The following ADGRL2 variants were observed in gnomAD, a reference collection of about 807,000 sequenced individuals.
The protein encoded by ADGRL2 is adhesion G protein-coupled receptor L2.
A neutral mutation model predicts 157.4 loss-of-function variants in ADGRL2; 44 were observed. The ratio of observed to expected loss-of-function variants is 0.28; its 90% CI spans 0.22 to 0.36. The LOEUF (loss-of-function observed/expected upper bound fraction) is 0.36, where lower values mean the gene tolerates loss of function less well. Among genes scored for constraint, ADGRL2 ranks in the 10% least tolerant of loss-of-function variants. ADGRL2 has a pLI of 1.00. For synonymous variants in ADGRL2, 585 were observed against 624.7 expected, an observed-to-expected ratio of 0.94 and a Z score of 0.95; for missense variants, 1,510 against 1,768.9, an observed-to-expected ratio of 0.85 and a Z score of 2.63.
intron 3 of ADGRL2, among the ~76,000 whole-genome samples, chr1:81,674,969 T>A: frequency 6.6e-6 from 1 of 152,212 alleles, no homozygotes; most frequent in East Asian, 1.9e-4. Context: ...CTGGAGGCCA[T>A]ATCATTTTCT....
At chr1:81,824,973 C>CTCTCTCTG (rs1553162244) in intron 1 of ADGRL2, among the ~76,000 whole-genome samples, 1 of 118,052 alleles carries the variant, frequency 8.5e-6, no homozygotes, top group East Asian at 2.0e-4. Context: ...CTCTCTCTCT[C>CTCTCTCTG]TCTCTCTCTG....
chr1:81,389,542 C>T (rs12088890), intron 1 of ADGRL2, among the ~76,000 whole-genome samples: 4,731 of 152,164 alleles, frequency 0.031, 249 homozygotes, highest in African/African-American at 0.11. Flanking sequence ...AATTAAATGA[C>T]AGGTGGCAAA....
intron 3 of ADGRL2, among the ~76,000 whole-genome samples, chr1:81,591,248 G>A (rs1377641586): frequency 6.6e-6 from 1 of 152,136 alleles, no homozygotes; most frequent in Non-Finnish European, 1.5e-5. Context: ...ATGTTCAGGG[G>A]ACAATGTAGT....
chr1:81,778,054 C>T (rs1254361807), intron 2 of ADGRL2, among the ~76,000 whole-genome samples: 1 of 152,152 alleles, frequency 6.6e-6, no homozygotes, highest in Admixed American at 6.5e-5. Context: ...GGCGCGGTGG[C>T]TCACGCCTGT....
chr1:81,321,064 G>A (rs1172387883), intron 1 of ADGRL2, among the ~76,000 whole-genome samples: 2 of 152,176 alleles, frequency 1.3e-5, no homozygotes, highest in East Asian at 3.8e-4. Context: ...GTAACTTACT[G>A]TAGCTTCTAC....
chr1:81,521,608 G>A (rs1372818669), intron 2 of ADGRL2, among the ~76,000 whole-genome samples: 1 of 152,166 alleles, frequency 6.6e-6, no homozygotes, highest in African/African-American at 2.4e-5. Flanking sequence ...AGCAGAGTCT[G>A]TAAGTGGTGG....
intron 6 of ADGRL2, among the ~76,000 whole-genome samples, chr1:81,946,420 T>C (rs970274190): frequency 2.0e-5 from 3 of 151,016 alleles, no homozygotes; most frequent in African/African-American, 7.3e-5. Context: ...CTAAACGAGG[T>C]CTGTTTTTCC....
At chr1:81,754,924 G>A (rs1363701915) in intron 1 of ADGRL2, among the ~76,000 whole-genome samples, 1 of 151,880 alleles carries the variant, frequency 6.6e-6, no homozygotes, top group East Asian at 1.9e-4. Context: ...CTGAGAGATA[G>A]GAAACACTAA....
intron 3 of ADGRL2, among the ~76,000 whole-genome samples, chr1:81,634,354 A>G (rs1364458375): frequency 6.6e-6 from 1 of 152,066 alleles, no homozygotes; most frequent in Non-Finnish European, 1.5e-5. Context: ...ATATCAGAGA[A>G]CTTCTCCACT....
chr1:81,466,868 G>C (rs1259826637), intron 2 of ADGRL2, among the ~76,000 whole-genome samples: 1 of 152,048 alleles, frequency 6.6e-6, no homozygotes, highest in African/African-American at 2.4e-5. Context: ...ATAAGTAATA[G>C]AAATCAATTA....
chr1:81,606,012 A>G (rs760681485), intron 3 of ADGRL2, among the ~76,000 whole-genome samples: 3 of 152,116 alleles, frequency 2.0e-5, no homozygotes, highest in Non-Finnish European at 4.4e-5. Flanking sequence ...TGGAAACACC[A>G]TTTGTCACTT....
chr1:81,569,080 C>A lies in ADGRL2; in HGVS notation c.-247-11796C>A, dbSNP rs148692860. Among the ~76,000 whole-genome samples the A allele has an allele frequency of 2.3e-3, 356 of 152,182 alleles. 2 individuals are homozygous for A. Among genetic ancestry groups the A allele is most frequent in the African/African-American group, 7.9e-3 (330 of 41,524 alleles). On this transcript the variant is annotated intron_variant, in intron 2 of 24. Coordinates refer to the ADGRL2 transcript ENST00000370721. Reference sequence around the variant, plus strand: ...CTTATTTCCCTACCTCAACCCCTGCCCACATTCAAATAAAAGGTTTGAAAG... The same window carrying A: ...CTTATTTCCCTACCTCAACCCCTGCACACATTCAAATAAAAGGTTTGAAAG...
At chr1:81,489,726 A>G (rs558436326) in intron 2 of ADGRL2, among the ~76,000 whole-genome samples, 1 of 152,356 alleles carries the variant, frequency 6.6e-6, no homozygotes, top group South Asian at 2.1e-4. Context: ...GAAGTGGCTC[A>G]TCGCATACAA....
chr1:81,870,211 G>A (rs1023125868), intron 2 of ADGRL2, among the ~76,000 whole-genome samples: 4 of 6,228 alleles, frequency 6.4e-4, no homozygotes, highest in Non-Finnish European at 2.1e-3. Context: ...TAGATGATTT[G>A]CAAACAAAAC....
intron 2 of ADGRL2, among the ~76,000 whole-genome samples, chr1:81,889,129 C>T (rs1003405923): frequency 1.3e-5 from 2 of 152,122 alleles, no homozygotes; most frequent in Non-Finnish European, 2.9e-5. Context: ...AATCCTACAA[C>T]GGCCTATATA....
chr1:81,438,011 C>G (rs547450719), intron 1 of ADGRL2, among the ~76,000 whole-genome samples: 3 of 150,168 alleles, frequency 2.0e-5, no homozygotes, highest in Admixed American at 6.7e-5. Context: ...AGGAGTTACC[C>G]TCTCTCTTTA....
chr1:81,890,909 C>T (rs1207895635), intron 2 of ADGRL2, among the ~76,000 whole-genome samples: 1 of 152,050 alleles, frequency 6.6e-6, no homozygotes, highest in Non-Finnish European at 1.5e-5. Context: ...TTCTCCTGGG[C>T]CGAGTGCCTT....
Position 81,943,081 on chromosome 1 carries a change from T to G in ADGRL2, c.522T>G (p.Ile174Met). Residue 174 changes from isoleucine to methionine, a missense_variant, in exon 6 of 24, where the codon ATT becomes ATG. Ile to Met is a conservative substitution (Grantham distance 10, BLOSUM62 1). This residue lies in a region of ADGRL2 where 361 missense variants were observed against 498.4 expected (regional missense o/e 0.72). Coordinates refer to ENST00000686636, the MANE Select transcript of ADGRL2 (RefSeq NM_001366006.2). The surrounding 1 kb of genome is among the most constrained non-coding windows in gnomAD (Gnocchi z 5.6). ...ACCCTCTTCAGGCTGCAGATAAAAT[T>G]TATTTCATGCCCTGGACTCCCTATC... Reference protein sequence around the residue: ...CKDPLQAADKIYFMPWTPYRT... With the variant: ...CKDPLQAADKMYFMPWTPYRT... The G allele has an allele frequency of 2.5e-6, 4 of 1,613,444 alleles. No individual in the cohort carries two copies. Among genetic ancestry groups the G allele is most frequent in the Admixed American group, 1.7e-5 (1 of 59,918 alleles).
intron 2 of ADGRL2, among the ~76,000 whole-genome samples, chr1:81,551,347 G>T (rs551667955): frequency 6.6e-6 from 1 of 152,108 alleles, no homozygotes. Context: ...AGCTTTTGTC[G>T]AGTGTCACCT....
Sources: allele counts gnomAD v4.1 joint callset (sites outside exome capture counted in the v4.1 genomes callset), GRCh38; gene constraint gnomAD v4.1.1; regional missense constraint gnomAD v4.1.1; non-coding constraint Gnocchi (gnomAD v3.1); transcripts MANE v1.5; gene names NCBI Gene and HGNC (gene_info 2026-07-23, HGNC 2026-07-21).